LRBA: variants seen among roughly 807,000 people sequenced by gnomAD.
The protein encoded by LRBA is lipopolysaccharide-responsive and beige-like anchor protein.
LRBA carries 176 observed loss-of-function variants against 330.0 expected under a neutral mutation model. The observed-to-expected ratio is 0.53, with a 90% confidence interval of 0.47 to 0.60. The LOEUF is 0.60. LRBA is among the 20% of genes least tolerant of loss of function. The pLI, the probability that LRBA is intolerant of heterozygous loss-of-function variation, is 0.00. For missense variants in LRBA, 3,259 were observed against 3,444.8 expected (o/e 0.95, Z 1.35); for synonymous variants, 1,230 against 1,193.0 (o/e 1.03, Z -0.64).
chr4:150,969,051 C>A (rs538084941), intron 2 of LRBA, among the ~76,000 whole-genome samples: 1 of 152,242 alleles, frequency 6.6e-6, no homozygotes, highest in South Asian at 2.1e-4. Context: ...TATTTTAAGC[C>A]AACTGTTGAG....
At chr4:150,661,877 C>G (rs1364386680) in intron 37 of LRBA, among the ~76,000 whole-genome samples, 1 of 152,138 alleles carries the variant, frequency 6.6e-6, no homozygotes, top group Non-Finnish European at 1.5e-5. Flanking sequence ...GCATCGGCCT[C>G]CCAAACTGCT....
At chr4:150,283,961 A>G (rs1747854460) in intron 54 of LRBA, among the ~76,000 whole-genome samples, 1 of 152,238 alleles carries the variant, frequency 6.6e-6, no homozygotes, top group South Asian at 2.1e-4. Context: ...CCAGTGATAA[A>G]GCCATGTAAC....
Position 150,618,202 on chromosome 4 carries a change from T to C in LRBA, c.5922-19071A>G, listed in dbSNP as rs75478252. ...AATCAGCTTCTGCAAATTACTATTG[T>C]TGAAAGTTTACTTTTCATTATTCTG... On this transcript the variant is annotated intron_variant, in intron 37 of 56. Coordinates refer to ENST00000651943, the MANE Select transcript of LRBA (RefSeq NM_001364905.1). Among the ~76,000 whole-genome samples, 1,390 of 152,328 alleles carry C rather than the reference T, an allele frequency of 9.1e-3. 14 individuals carry two copies. The highest frequency in any genetic ancestry group is 0.014 in the Non-Finnish European group (957 of 68,026).
intron 2 of LRBA, among the ~76,000 whole-genome samples, chr4:151,009,751 C>T (rs1306032176): frequency 6.6e-6 from 1 of 151,828 alleles, no homozygotes; most frequent in Non-Finnish European, 1.5e-5. Context: ...GAGGCCAGGG[C>T]GGGTGGATCA....
intron 42 of LRBA, among the ~76,000 whole-genome samples, chr4:150,472,229 A>C (rs1756218037): frequency 6.6e-6 from 1 of 152,094 alleles, no homozygotes; most frequent in Non-Finnish European, 1.5e-5. Context: ...TGGGGTAAAG[A>C]GAAATTTTTT....
chr4:150,628,058 T>C (rs1370191629), intron 37 of LRBA, among the ~76,000 whole-genome samples: 2 of 152,158 alleles, frequency 1.3e-5, no homozygotes, highest in African/African-American at 2.4e-5. Flanking sequence ...TCAATTCCAA[T>C]ATACCATAAA....
chr4:150,906,282 T>C lies in LRBA; in HGVS notation c.1602+15A>G. The C allele has an allele frequency of 6.8e-7, 1 of 1,470,556 alleles. No homozygotes were observed. Among genetic ancestry groups the C allele is most frequent in the African/African-American group, 1.4e-5 (1 of 71,716 alleles). 91.1% of individuals were successfully genotyped at this position (1,470,556 alleles called of 1,614,324 possible). On this transcript the variant is annotated intron_variant, in intron 12 of 56. Coordinates refer to ENST00000651943, the MANE Select transcript of LRBA (RefSeq NM_001364905.1). ...TAAATTAAGAATCAAAAACATAAAA[T>C]ATTTCATACTTTACCTTTTCAAGGC... is the stretch of plus-strand genomic sequence containing the variant.
chr4:150,423,545 C>A, intron 46 of LRBA: 1 of 421,564 alleles, frequency 2.4e-6, no homozygotes. Flanking sequence ...GGCTGGTGGG[C>A]TATACTTCTT....
rs752154855 is a variant in LRBA, at chr4:150,487,844, A to T, written c.6449-10T>A. The T allele has an allele frequency of 3.3e-6, 5 of 1,496,260 alleles. No individual in the cohort carries two copies. Among genetic ancestry groups the T allele is most frequent in the Admixed American group, 3.4e-5 (2 of 58,588 alleles). 92.7% of individuals were successfully genotyped at this position (1,496,260 alleles called of 1,614,324 possible). ...TTGAACATCACAGCAACTACAACAGATGATTTTTAAAAATTAGAACACAGT... is the reference window on the plus strand; with the variant it reads ...TTGAACATCACAGCAACTACAACAGTTGATTTTTAAAAATTAGAACACAGT... On this transcript the variant is annotated splice_polypyrimidine_tract_variant and intron_variant, in intron 41 of 56. Transcript: ENST00000651943.
At chr4:150,270,468 A>C (rs4696659) in intron 56 of LRBA, among the ~76,000 whole-genome samples, 39,497 of 152,126 alleles carry the variant, frequency 0.26, 5,352 homozygotes, top group Non-Finnish European at 0.3. Context: ...TCCACTTAAC[A>C]GAAGGTGCTT....
intron 47 of LRBA, among the ~76,000 whole-genome samples, chr4:150,414,484 AATTT>A (rs1480174120): frequency 6.6e-6 from 1 of 151,834 alleles, no homozygotes; most frequent in Non-Finnish European, 1.5e-5. Context: ...TTATTTTTTA[AATTT>A]ATTTTATTTT....
At chr4:150,925,613 A>C (rs1048594150) in intron 4 of LRBA, among the ~76,000 whole-genome samples, 2 of 152,176 alleles carry the variant, frequency 1.3e-5, no homozygotes, top group Non-Finnish European at 2.9e-5. Flanking sequence ...CTACAGATGG[A>C]AGGTGACAAT....
intron 26 of LRBA, among the ~76,000 whole-genome samples, chr4:150,845,467 G>A (rs779028690): frequency 1.3e-5 from 2 of 152,110 alleles, no homozygotes; most frequent in African/African-American, 2.4e-5. Flanking sequence ...AATTAATTTT[G>A]GATTTTAAAT....
In LRBA at chr4:150,538,826, A is replaced by C. The variant is rs575621556; in HGVS notation, c.6331-47791T>G. ...TGAGGCCCTGTCTCAAAAAAAAAAA[A>C]AAAACAAAAAACTACCTATTGGGTA... On this transcript the variant is annotated intron_variant, in intron 40 of 56. Transcript: ENST00000651943. Among the ~76,000 whole-genome samples, 307 of 151,916 alleles carry C rather than the reference A, an allele frequency of 2.0e-3. 3 individuals carry two copies. Among genetic ancestry groups the C allele is most frequent in the African/African-American group, 7.0e-3 (288 of 41,384 alleles).
intron 36 of LRBA, among the ~76,000 whole-genome samples, chr4:150,699,414 G>A (rs1209714406): frequency 1.3e-5 from 2 of 152,094 alleles, no homozygotes; most frequent in East Asian, 3.9e-4. Flanking sequence ...TGGGCAACAG[G>A]ATAAAGAAAA....
intron 49 of LRBA, among the ~76,000 whole-genome samples, chr4:150,325,401 G>T (rs901083438): frequency 6.6e-6 from 1 of 152,078 alleles, no homozygotes; most frequent in Non-Finnish European, 1.5e-5. Flanking sequence ...TTATGTATTA[G>T]AATTTGTTTT....
intron 40 of LRBA, among the ~76,000 whole-genome samples, chr4:150,503,992 G>A (rs958257113): frequency 1.3e-5 from 2 of 152,210 alleles, no homozygotes; most frequent in Non-Finnish European, 2.9e-5. Context: ...AAGGGTATCA[G>A]TGATGGAAGA....
chr4:150,370,586 T>C (rs889589141), intron 47 of LRBA, among the ~76,000 whole-genome samples: 2 of 152,178 alleles, frequency 1.3e-5, no homozygotes, highest in Non-Finnish European at 2.9e-5. Context: ...AGTAAAACTA[T>C]TCTGTATGGT....
intron 9 of LRBA, among the ~76,000 whole-genome samples, chr4:150,913,743 G>T (rs1732268145): frequency 6.6e-6 from 1 of 152,116 alleles, no homozygotes; most frequent in African/African-American, 2.4e-5. Flanking sequence ...TATCTTTCTG[G>T]TGAACTGACC....
Sources: allele counts gnomAD v4.1 joint callset (sites outside exome capture counted in the v4.1 genomes callset), GRCh38; gene constraint gnomAD v4.1.1; transcripts MANE v1.5; gene names NCBI Gene and HGNC (gene_info 2026-07-23, HGNC 2026-07-21).